Variants in ANKS1B observed in about 807,000 individuals in gnomAD.
ANKS1B encodes ankyrin repeat and sterile alpha motif domain-containing protein 1B.
A neutral mutation model predicts 148.3 loss-of-function variants in ANKS1B; 36 were observed. The observed-to-expected ratio is 0.24, with a 90% CI of 0.19 to 0.32. The LOEUF (loss-of-function observed/expected upper bound fraction) is 0.32, where lower values mean the gene tolerates loss of function less well. Among genes scored for constraint, ANKS1B ranks in the 10% least tolerant of loss-of-function variants. The pLI, the probability that ANKS1B is intolerant of heterozygous loss-of-function variation, is 1.00. For missense variants in ANKS1B, 1,157 were observed against 1,542.6 expected, an observed-to-expected ratio of 0.75 and a Z score of 4.19; for synonymous variants, 542 against 560.8, an observed-to-expected ratio of 0.97 and a Z score of 0.47.
intron 17 of ANKS1B, chr12:98,954,232 A>G (rs2099858742): frequency 6.6e-6 from 1 of 152,232 alleles, no homozygotes; most frequent in Non-Finnish European, 1.5e-5. Context: ...GATCCTTGAA[A>G]TCTGCGAACC....
intron 17 of ANKS1B, among the ~76,000 whole-genome samples, chr12:98,832,703 TC>T (rs1442036999): frequency 1.3e-5 from 2 of 151,986 alleles, no homozygotes; most frequent in Admixed American, 6.6e-5. Context: ...AGAAAGGTCC[TC>T]CCCCGCCTCC....
Position 99,244,346 on chromosome 12 carries a change from G to C in ANKS1B, c.2415C>G (p.Thr805=), listed in dbSNP as rs1421210274. The change falls in exon 14 of 27, where the codon ACC becomes ACG. Residue 805 remains threonine (T), a synonymous_variant. Coordinates refer to ENST00000683438, the MANE Select transcript of ANKS1B (RefSeq NM_001352186.2). ...TGTAGAGGAAGGTTGCCTTACTTGTGGTCTCACCATTCATCTCTTTAAGTT... is the reference window on the plus strand; with the variant it reads ...TGTAGAGGAAGGTTGCCTTACTTGTCGTCTCACCATTCATCTCTTTAAGTT... ...NNELKEMNGE[T]TRPRCPVQTV... 9 of 1,602,486 alleles carry C rather than the reference G, an allele frequency of 5.6e-6. No homozygotes were observed. In the Admixed American group the frequency reaches 8.6e-5, roughly 15 times the overall value.
At chr12:99,225,992 A>C (rs569672880) in intron 14 of ANKS1B, among the ~76,000 whole-genome samples, 12 of 152,196 alleles carry the variant, frequency 7.9e-5, no homozygotes, top group African/African-American at 2.9e-4. Flanking sequence ...TTTTCCTTTT[A>C]TACTATCTAG....
chr12:99,472,410 T>C (rs1481825125), intron 10 of ANKS1B, among the ~76,000 whole-genome samples: 1 of 152,148 alleles, frequency 6.6e-6, no homozygotes, highest in Non-Finnish European at 1.5e-5. Flanking sequence ...AGAACCTTTT[T>C]ACATTTTCTT....
intron 15 of ANKS1B, among the ~76,000 whole-genome samples, chr12:99,147,946 G>A (rs2073716989): frequency 6.6e-6 from 1 of 152,026 alleles, no homozygotes; most frequent in South Asian, 2.1e-4. Context: ...CTGGTAAGAA[G>A]CAGATCAGAG....
intron 2 of ANKS1B, among the ~76,000 whole-genome samples, chr12:99,819,709 A>C (rs931067741): frequency 5.9e-5 from 9 of 151,832 alleles, no homozygotes; most frequent in African/African-American, 1.9e-4. Flanking sequence ...CTATTTGTTA[A>C]GTAGAGAAGA....
chr12:98,838,176 T>A (rs1204911634), intron 17 of ANKS1B, among the ~76,000 whole-genome samples: 3 of 152,224 alleles, frequency 2.0e-5, no homozygotes, highest in African/African-American at 7.2e-5. Flanking sequence ...ATTTCCCCTA[T>A]CATTGAAAAT....
intron 14 of ANKS1B, among the ~76,000 whole-genome samples, chr12:99,243,366 G>A (rs570836615): frequency 4.3e-4 from 66 of 152,312 alleles, no homozygotes; most frequent in African/African-American, 1.6e-3. Context: ...TCATTAAAAA[G>A]TCAGGAAACA....
At chr12:99,153,535 T>C (rs775033586) in intron 15 of ANKS1B, among the ~76,000 whole-genome samples, 8 of 152,128 alleles carry the variant, frequency 5.3e-5, no homozygotes, top group Non-Finnish European at 1.0e-4. Flanking sequence ...GTTTGCACAG[T>C]TCCCCATCCT....
chr12:99,339,498 T>C (rs546161549), intron 12 of ANKS1B, among the ~76,000 whole-genome samples: 1 of 152,164 alleles, frequency 6.6e-6, no homozygotes, highest in African/African-American at 2.4e-5. Context: ...CTCACCTAAA[T>C]TTTGGTTGTT....
At chr12:98,882,815 A>C (rs1010622097) in intron 17 of ANKS1B, among the ~76,000 whole-genome samples, 1 of 152,106 alleles carries the variant, frequency 6.6e-6, no homozygotes, top group Non-Finnish European at 1.5e-5. Context: ...ACTCCACATT[A>C]AGATGTTAAT....
intron 12 of ANKS1B, 110 bp downstream of exon 12, chr12:99,399,521 T>C: frequency 8.7e-7 from 1 of 1,146,998 alleles, no homozygotes; most frequent in South Asian, 1.6e-5. Context: ...CACATGGAGG[T>C]GAACTAAAAA....
At chr12:99,467,579 A>G (rs2096146884) in intron 10 of ANKS1B, among the ~76,000 whole-genome samples, 1 of 152,192 alleles carries the variant, frequency 6.6e-6, no homozygotes, top group Non-Finnish European at 1.5e-5. Context: ...CTGATAAGCA[A>G]CTTCAGCAAA....
At chr12:99,745,499 T>C (rs891052630) in intron 8 of ANKS1B, among the ~76,000 whole-genome samples, 2 of 152,186 alleles carry the variant, frequency 1.3e-5, no homozygotes, top group African/African-American at 2.4e-5. Context: ...TCTCATTTAT[T>C]GAAAATTCAG....
rs192827977 is a variant in ANKS1B at position 99,939,345 on chromosome 12, C to T, written c.134+44759G>A. ...GCTCAAGCAATCCTCCCACCTCAGC[C>T]TCCCAAAGTGCTGGGATTACAGGTG... On this transcript the variant is annotated intron_variant, in intron 1 of 26. Coordinates refer to ENST00000683438, the MANE Select transcript of ANKS1B (RefSeq NM_001352186.2). Among the ~76,000 whole-genome samples, 11 of 152,268 alleles carry T rather than the reference C, an allele frequency of 7.2e-5. 1 individual carries two copies. The highest frequency in any genetic ancestry group is 2.6e-4 in the Admixed American group (4 of 15,298).
chr12:99,971,929 T>G (rs1339695491), intron 1 of ANKS1B, among the ~76,000 whole-genome samples: 1 of 152,244 alleles, frequency 6.6e-6, no homozygotes, highest in African/African-American at 2.4e-5. Flanking sequence ...TGAAGATTTA[T>G]AGGAACCATG....
intron 10 of ANKS1B, among the ~76,000 whole-genome samples, chr12:99,473,392 T>G (rs931029524): frequency 2.0e-5 from 3 of 152,084 alleles, no homozygotes; most frequent in African/African-American, 7.2e-5. Flanking sequence ...TTTTCATTCT[T>G]ACAAACAATA....
At chr12:99,484,151 T>C (rs2096455003) in intron 10 of ANKS1B, among the ~76,000 whole-genome samples, 1 of 151,946 alleles carries the variant, frequency 6.6e-6, no homozygotes, top group South Asian at 2.1e-4. Context: ...AACTTTCCTT[T>C]AGCACTGCTG....
intron 9 of ANKS1B, chr12:99,648,110 C>A: frequency 6.5e-7 from 1 of 1,547,924 alleles, no homozygotes; most frequent in Non-Finnish European, 8.7e-7. Flanking sequence ...AACAGGATGC[C>A]CGCTAAAGCA....
Sources: allele counts gnomAD v4.1 joint callset (sites outside exome capture counted in the v4.1 genomes callset), GRCh38; gene constraint gnomAD v4.1.1; transcripts MANE v1.5; gene names NCBI Gene and HGNC (gene_info 2026-07-23, HGNC 2026-07-21).